The following ZNF184 variants were observed in gnomAD, a reference collection of about 807,000 sequenced individuals.
ZNF184 encodes zinc finger protein 184 (Kruppel-like).
In ZNF184, 16 loss-of-function variants were observed where a neutral mutation model predicts 54.4. The ratio of observed to expected loss-of-function variants is 0.29; its 90% CI spans 0.20 to 0.45. The LOEUF is 0.45. Ranked by LOEUF, ZNF184 falls within the 20% of genes least tolerant of loss-of-function variation. ZNF184 has a pLI of 1.00. For missense variants in ZNF184, 681 were observed against 888.2 expected, an observed-to-expected ratio of 0.77 and a Z score of 2.97; for synonymous variants, 254 against 295.3, an observed-to-expected ratio of 0.86 and a Z score of 1.43.
chr6:27,456,412 G>A (rs1053088394), intron 5 of ZNF184, among the ~76,000 whole-genome samples: 2 of 152,144 alleles, frequency 1.3e-5, no homozygotes, highest in African/African-American at 4.8e-5. Context: ...TCATATTGTG[G>A]AGTAAATCTA....
the ZNF184 span, among the ~76,000 whole-genome samples, chr6:27,413,039 C>T: frequency 6.6e-6 from 1 of 151,972 alleles, no homozygotes; most frequent in African/African-American, 2.4e-5. Flanking sequence ...GAGTTCGAGA[C>T]CATCCTGACC....
intron 3 of ZNF184, among the ~76,000 whole-genome samples, chr6:27,462,526 T>C (rs746509174): frequency 4.1e-4 from 61 of 150,318 alleles, no homozygotes; most frequent in Non-Finnish European, 7.7e-4. Flanking sequence ...TATAAAAATA[T>C]TCAGAACCCA....
the ZNF184 span, among the ~76,000 whole-genome samples, chr6:27,432,594 G>A: frequency 1.3e-5 from 2 of 152,152 alleles, no homozygotes; most frequent in Non-Finnish European, 2.9e-5. The surrounding 1 kb of genome is among the most constrained non-coding windows in gnomAD (Gnocchi z 4.0). Context: ...GGTCTTTTTT[G>A]TGCCTTCTTC....
chr6:27,456,084 C>A (rs766619949), intron 5 of ZNF184, among the ~76,000 whole-genome samples: 14 of 151,912 alleles, frequency 9.2e-5, no homozygotes, highest in Non-Finnish European at 1.9e-4. Flanking sequence ...ATGGCGAAAC[C>A]GTGTCTCCAC....
chr6:27,423,493 G>A, the ZNF184 span, among the ~76,000 whole-genome samples: 1 of 151,966 alleles, frequency 6.6e-6, no homozygotes, highest in Non-Finnish European at 1.5e-5. Flanking sequence ...CTAGATAAAG[G>A]TTTTCACTAT....
the ZNF184 span, among the ~76,000 whole-genome samples, chr6:27,424,428 A>T: frequency 6.6e-6 from 1 of 152,140 alleles, no homozygotes; most frequent in Non-Finnish European, 1.5e-5. Flanking sequence ...CCCCACCCAC[A>T]TCCTGCTGAT....
chr6:27,453,117 C>T lies in ZNF184; in HGVS notation c.442G>A (p.Gly148Ser). The T allele has an allele frequency of 6.2e-7, 1 of 1,614,062 alleles. No homozygotes were observed. Among genetic ancestry groups the T allele is most frequent in the Non-Finnish European group, 8.5e-7 (1 of 1,179,982 alleles). Reference sequence around the variant, plus strand: ...TTTGCCTGCTGTCTCTCTAAACTGCCTTCATATTCCCAACTTTCTAGCAAG... The same window carrying T: ...TTTGCCTGCTGTCTCTCTAAACTGCTTTCATATTCCCAACTTTCTAGCAAG... ...SNLLESWEYEGSLERQQANQQ... is the reference protein window; with the variant it reads ...SNLLESWEYESSLERQQANQQ... The change falls in exon 6 of 6, where the codon GGC becomes AGC. Residue 148 changes from glycine to serine, a missense_variant. By Grantham distance (56) the Gly-to-Ser change is moderately conservative. Transcript: ENST00000683788. The surrounding 1 kb of genome is among the most constrained non-coding windows in gnomAD (Gnocchi z 4.7).
the ZNF184 span, among the ~76,000 whole-genome samples, chr6:27,412,321 C>G: frequency 2.0e-5 from 3 of 152,158 alleles, no homozygotes; most frequent in Non-Finnish European, 1.5e-5. Context: ...AGAGCTGGGC[C>G]AGTTGGGTCA....
chr6:27,418,839 G>A, the ZNF184 span, among the ~76,000 whole-genome samples: 1 of 152,036 alleles, frequency 6.6e-6, no homozygotes, highest in African/African-American at 2.4e-5. Flanking sequence ...GTATACAAAG[G>A]TGCTAAATTT....
At position 27,465,770 on chromosome 6, in the gene ZNF184, G is replaced by A. The variant is rs150834255; in HGVS notation, c.75+2083C>T. ...GCGAAAATTGGTAAAACAGCAAGGA[G>A]AAACAGACCAACCCACAACAGTCTG... On this transcript the variant is annotated intron_variant, in intron 3 of 5. Coordinates refer to ENST00000683788, the MANE Select transcript of ZNF184 (RefSeq NM_001318891.2). Among the ~76,000 whole-genome samples, 4 of 152,186 alleles carry A rather than the reference G, an allele frequency of 2.6e-5. No homozygotes were observed. The East Asian group carries it at 7.7e-4, about 29-fold the overall frequency.
chr6:27,408,167 G>C, the ZNF184 span, among the ~76,000 whole-genome samples: 5 of 152,182 alleles, frequency 3.3e-5, no homozygotes, highest in African/African-American at 1.2e-4. Flanking sequence ...ATGAAAGAGA[G>C]GAGAAATGGG....
the ZNF184 span, among the ~76,000 whole-genome samples, chr6:27,434,479 T>C: frequency 1.3e-5 from 2 of 152,202 alleles, no homozygotes; most frequent in African/African-American, 4.8e-5. Context: ...TTGGAAAATT[T>C]TCTATTCAAA....
At chr6:27,464,564 G>GA (rs943176212) in intron 3 of ZNF184, among the ~76,000 whole-genome samples, 3 of 151,936 alleles carry the variant, frequency 2.0e-5, no homozygotes, top group Non-Finnish European at 4.4e-5. Flanking sequence ...AGGAAAAAAA[G>GA]AAAAAAGACA....
downstream of ZNF184, among the ~76,000 whole-genome samples, chr6:27,449,821 A>C (rs1393425580): frequency 1.3e-5 from 2 of 152,198 alleles, no homozygotes; most frequent in Non-Finnish European, 2.9e-5. Context: ...TAAGAAACTA[A>C]TGTTGGTATT....
chr6:27,409,324 C>G, the ZNF184 span, among the ~76,000 whole-genome samples: 1 of 151,556 alleles, frequency 6.6e-6, no homozygotes, highest in Non-Finnish European at 1.5e-5. Context: ...ATGGTGAAAC[C>G]CTGTCTCTAC....
chr6:27,416,999 T>C, the ZNF184 span, among the ~76,000 whole-genome samples: 2 of 152,202 alleles, frequency 1.3e-5, no homozygotes, highest in Non-Finnish European at 2.9e-5. Flanking sequence ...TATCCTGCTG[T>C]GTCTGAGGGT....
At chr6:27,417,158 CA>C in the ZNF184 span, among the ~76,000 whole-genome samples, 1 of 152,148 alleles carries the variant, frequency 6.6e-6, no homozygotes, top group Non-Finnish European at 1.5e-5. Flanking sequence ...AAGAAAAAAA[CA>C]CTTCCAAAAT....
chr6:27,423,644 CAA>C, the ZNF184 span, among the ~76,000 whole-genome samples: 24 of 77,352 alleles, frequency 3.1e-4, no homozygotes, highest in Middle Eastern at 9.6e-3. Context: ...GCCAAAAAAA[CAA>C]AAAACAAAAC....
At chr6:27,427,134 A>AAAAC in the ZNF184 span, among the ~76,000 whole-genome samples, 1 of 151,612 alleles carries the variant, frequency 6.6e-6, no homozygotes, top group Non-Finnish European at 1.5e-5. Context: ...AAAAAAAAAA[A>AAAAC]AACAATTAAA....
Sources: gnomAD v4.1 joint callset for allele counts (sites outside exome capture counted in the v4.1 genomes callset) on GRCh38, gnomAD v4.1.1 for gene constraint, Gnocchi (gnomAD v3.1) non-coding constraint, MANE v1.5 for transcripts, NCBI Gene and HGNC (gene_info 2026-07-23, HGNC 2026-07-21) for gene names.